The following IQCJ variants were observed in gnomAD, a reference collection of about 807,000 sequenced individuals.
IQCJ encodes the protein IQ motif containing J.
Under a neutral mutation model 11.0 loss-of-function variants are expected in IQCJ, and 9 were observed. That is an observed-to-expected ratio of 0.82 (90% confidence interval 0.49 to 1.43). The LOEUF (loss-of-function observed/expected upper bound fraction) is 1.43, where lower values mean the gene tolerates loss of function less well. Ranked by LOEUF, IQCJ falls within the 40% of genes most tolerant of loss-of-function variation. The pLI is 0.00. For synonymous variants in IQCJ, 55 were observed against 51.3 expected, an observed-to-expected ratio of 1.07 and a Z score of -0.31; for missense variants, 146 against 133.2, an observed-to-expected ratio of 1.10 and a Z score of -0.47.
At chr3:159,220,091 C>G (rs990397772) in intron 1 of IQCJ, among the ~76,000 whole-genome samples, 9 of 152,172 alleles carry the variant, frequency 5.9e-5, no homozygotes, top group Admixed American at 3.3e-4. Context: ...ATGACATGTG[C>G]TCCCTTAAGA....
At chr3:159,263,864 T>A (rs977682309), downstream of IQCJ, 2 of 962,348 alleles carry the variant, frequency 2.1e-6, no homozygotes, top group Non-Finnish European at 2.5e-6. Context: ...ATTTAGTGAA[T>A]CTTCACTTTT....
intron 1 of IQCJ, among the ~76,000 whole-genome samples, chr3:159,196,962 C>T (rs1724022787): frequency 6.6e-6 from 1 of 152,122 alleles, no homozygotes; most frequent in East Asian, 1.9e-4. Context: ...CTCCAGCCTT[C>T]TGTGTCCCAC....
At chr3:159,087,829 C>T (rs1716909867) in intron 1 of IQCJ, among the ~76,000 whole-genome samples, 1 of 151,034 alleles carries the variant, frequency 6.6e-6, no homozygotes, top group South Asian at 2.1e-4. Context: ...ATTAGTCTTG[C>T]TAGTGGTCTA....
chr3:159,157,960 T>C (rs1328716830), intron 1 of IQCJ, among the ~76,000 whole-genome samples: 1 of 152,128 alleles, frequency 6.6e-6, no homozygotes, highest in African/African-American at 2.4e-5. Flanking sequence ...CTGAGAGACA[T>C]TTGGGCTGTT....
chr3:159,076,862 C>G (rs1380845258), intron 1 of IQCJ, among the ~76,000 whole-genome samples: 2 of 152,108 alleles, frequency 1.3e-5, no homozygotes, highest in African/African-American at 2.4e-5. Context: ...GGGGAATTAA[C>G]TTCTCTGTGC....
rs1728330576 is a variant in IQCJ, at chr3:159,263,436, G to A, written c.*705G>A. 1 of 983,972 alleles carries A rather than the reference G, an allele frequency of 1.0e-6. No individual in the cohort carries two copies. Among genetic ancestry groups the A allele is most frequent in the South Asian group, 4.7e-5 (1 of 21,246 alleles). The allele number at this position is 983,972 out of a possible 1,614,324, so 61.0% of individuals were successfully genotyped here. On this transcript the variant is annotated 3_prime_UTR_variant, in exon 4 of 4. Coordinates refer to ENST00000397832, the MANE Select transcript of IQCJ (RefSeq NM_001042706.3). ...AGTTAAGGAATAAGGGAATCTGCTG[G>A]AAGTCTTTATTTTTAAAAAACACCA...
intron 1 of IQCJ, among the ~76,000 whole-genome samples, chr3:159,070,314 A>G (rs1281781980): frequency 6.6e-6 from 1 of 152,138 alleles, no homozygotes; most frequent in East Asian, 1.9e-4. Context: ...AATTAATAAT[A>G]TATTCAGCAT....
intron 1 of IQCJ, among the ~76,000 whole-genome samples, chr3:159,172,756 C>T (rs1722551644): frequency 9.1e-6 from 1 of 109,704 alleles, no homozygotes; most frequent in South Asian, 3.2e-4. Flanking sequence ...AGGCAGGAAG[C>T]AGCCAAAGGC....
chr3:159,234,418 C>G (rs975413088), intron 1 of IQCJ, among the ~76,000 whole-genome samples: 6 of 152,136 alleles, frequency 3.9e-5, no homozygotes, highest in Admixed American at 3.9e-4. Flanking sequence ...ATAAGAGAAG[C>G]AATCCTGTGG....
At chr3:159,129,288 T>C (rs1219969006) in intron 1 of IQCJ, among the ~76,000 whole-genome samples, 3 of 152,184 alleles carry the variant, frequency 2.0e-5, no homozygotes, top group South Asian at 4.1e-4. Context: ...ATTTGTGAAA[T>C]AGGAAAAAAT....
intron 1 of IQCJ, among the ~76,000 whole-genome samples, chr3:159,228,375 A>G (rs1235647093): frequency 2.0e-5 from 3 of 152,230 alleles, no homozygotes; most frequent in Admixed American, 2.0e-4. Flanking sequence ...TTGTTCGCCT[A>G]CTTGTTATGA....
chr3:159,189,015 A>G (rs555112008), intron 1 of IQCJ, among the ~76,000 whole-genome samples: 28 of 152,208 alleles, frequency 1.8e-4, no homozygotes, highest in African/African-American at 6.7e-4. Flanking sequence ...GGGAGAGGGA[A>G]TATTGTATTT....
chr3:159,154,491 CT>C (rs375960335), intron 1 of IQCJ, among the ~76,000 whole-genome samples: 2 of 151,780 alleles, frequency 1.3e-5, no homozygotes, highest in African/African-American at 4.8e-5. Context: ...TCAGCTCTGC[CT>C]TTTTTTTGGA....
chr3:159,235,289 A>G (rs1560036751), intron 1 of IQCJ, among the ~76,000 whole-genome samples: 1 of 152,200 alleles, frequency 6.6e-6, no homozygotes, highest in African/African-American at 2.4e-5. Flanking sequence ...GAGACCACTT[A>G]AAAAATTTTA....
At chr3:159,120,371 G>T (rs1161971980) in intron 1 of IQCJ, among the ~76,000 whole-genome samples, 1 of 152,210 alleles carries the variant, frequency 6.6e-6, no homozygotes, top group African/African-American at 2.4e-5. Context: ...GCATGGTTCT[G>T]TTGCTTTCCA....
At chr3:159,243,451 A>G (rs542547176) in intron 1 of IQCJ, among the ~76,000 whole-genome samples, 1 of 152,370 alleles carries the variant, frequency 6.6e-6, no homozygotes, top group Non-Finnish European at 1.5e-5. Context: ...GAAATGAGCT[A>G]TTGATACATG....
At chr3:159,207,157 C>A (rs1724702545) in intron 1 of IQCJ, among the ~76,000 whole-genome samples, 1 of 152,174 alleles carries the variant, frequency 6.6e-6, no homozygotes, top group South Asian at 2.1e-4. Flanking sequence ...AGCCCAGTAG[C>A]CTTTGTTCTA....
chr3:159,245,717 C>G (rs1258545840), intron 1 of IQCJ, 126 bp from the exon 2 acceptor site: 2 of 709,268 alleles, frequency 2.8e-6, no homozygotes, highest in Non-Finnish European at 4.5e-6. Flanking sequence ...CCGCCTCGGC[C>G]TCCCAAAGTG....
chr3:159,151,919 C>A (rs1310514769), intron 1 of IQCJ, among the ~76,000 whole-genome samples: 3 of 152,224 alleles, frequency 2.0e-5, no homozygotes, highest in African/African-American at 2.4e-5. Context: ...CAGGCGTGAG[C>A]CATCACACCC....
Sources: allele counts gnomAD v4.1 joint callset (sites outside exome capture counted in the v4.1 genomes callset), GRCh38; gene constraint gnomAD v4.1.1; transcripts MANE v1.5; gene names NCBI Gene and HGNC (gene_info 2026-07-23, HGNC 2026-07-21).